The following ADGRF1 variants were observed in gnomAD, a reference collection of about 807,000 sequenced individuals.
ADGRF1 encodes the protein adhesion G protein-coupled receptor F1, also known as G protein-coupled receptor 110.
A neutral mutation model predicts 87.2 loss-of-function variants in ADGRF1; 85 were observed. The ratio of observed to expected loss-of-function variants is 0.97; its 90% CI spans 0.82 to 1.17. The LOEUF (loss-of-function observed/expected upper bound fraction) is 1.17, where lower values mean the gene tolerates loss of function less well. Ranked by LOEUF, ADGRF1 falls within the 50% of genes most tolerant of loss-of-function variation. The pLI, the probability that ADGRF1 is intolerant of heterozygous loss-of-function variation, is 0.00. For missense variants in ADGRF1, 1,169 were observed against 1,077.2 expected (o/e 1.09, Z -1.19); for synonymous variants, 430 against 408.8 (o/e 1.05, Z -0.63).
At chr6:47,014,900 A>G (rs960215305) in intron 8 of ADGRF1, 56 bp from the exon 9 acceptor site, 6 of 1,512,478 alleles carry the variant, frequency 4.0e-6, no homozygotes, top group African/African-American at 2.8e-5. Flanking sequence ...CTGGCACTCT[A>G]TATAAACCAT....
chr6:47,038,459 TTTAA>T (rs978540682), intron 1 of ADGRF1, among the ~76,000 whole-genome samples: 2 of 152,206 alleles, frequency 1.3e-5, no homozygotes, highest in African/African-American at 4.8e-5. Flanking sequence ...AAATTTTATT[TTTAA>T]TTGACAAATA....
At chr6:47,018,480 C>A (rs918866602) in intron 7 of ADGRF1, 2 of 1,289,446 alleles carry the variant, frequency 1.6e-6, no homozygotes, top group African/African-American at 3.0e-5. Context: ...GTCACAATAC[C>A]TTTGTATTGA....
Position 47,009,758 on chromosome 6 carries a change from C to T in ADGRF1, c.1677G>A (p.Val559=), listed in dbSNP as rs1410563225. Residue 559 remains valine (V), a synonymous_variant, in exon 11 of 15, where the codon GTG becomes GTA. Transcript: ENST00000371253. ...CHLVNETQDI[V]TCQCTHLTSF... is the part of the protein sequence containing the mutation. ...AGGTCAAGTGAGTACATTGGCACGT[C>T]ACGATGTCTTGAGTTTCATTCACTA... 2 of 1,614,158 alleles carry T rather than the reference C, an allele frequency of 1.2e-6. No homozygotes were observed. The highest frequency in any genetic ancestry group is 4.5e-5 in the East Asian group (2 of 44,876).
At position 47,014,684 on chromosome 6, in the gene ADGRF1, GTT is replaced by G; in HGVS notation, c.922_923del (p.Asn308GlnfsTer12). Reference sequence around the variant, plus strand: ...CTACACAGTGAAAATGCCTCACCTTGTTCAGTTCTTCAAGCAGAGAGAGCACA... The same window carrying G: ...CTACACAGTGAAAATGCCTCACCTTGCAGTTCTTCAAGCAGAGAGAGCACA... The part of the protein sequence containing the change: ...TCVLSLLEEL[N>X]KNFSMIVGNA... On this transcript the variant is annotated frameshift_variant, in exon 9 of 15. Transcript: ENST00000371253. LOFTEE classifies it high-confidence loss of function. 1 of 1,613,112 alleles carries G rather than the reference GTT, an allele frequency of 6.2e-7. No homozygotes were observed. The highest frequency in any genetic ancestry group is 8.5e-7 in the Non-Finnish European group (1 of 1,179,718).
intron 7 of ADGRF1, chr6:47,020,256 G>T: frequency 7.9e-7 from 1 of 1,264,164 alleles, no homozygotes; most frequent in Non-Finnish European, 1.0e-6. Flanking sequence ...CACTTTGGGG[G>T]CCGAGGCAGG....
At chr6:47,023,259 G>A (rs149482647) in intron 5 of ADGRF1, among the ~76,000 whole-genome samples, 1 of 152,306 alleles carries the variant, frequency 6.6e-6, no homozygotes, top group African/African-American at 2.4e-5. Flanking sequence ...ATTTGCCCCT[G>A]ATCTGGGTGA....
At chr6:47,031,333 C>T (rs1237468137) in intron 1 of ADGRF1, among the ~76,000 whole-genome samples, 13 of 131,528 alleles carry the variant, frequency 9.9e-5, no homozygotes, top group African/African-American at 3.3e-4. Flanking sequence ...TCTCTCTCTT[C>T]TCTCTCTCTC....
rs533646624 is a variant in ADGRF1, at chr6:47,009,865, T to A, written c.1570A>T (p.Lys524Ter). 1 of 1,613,996 alleles carries A rather than the reference T, an allele frequency of 6.2e-7. No individual in the cohort carries two copies. Among genetic ancestry groups the A allele is most frequent in the African/African-American group, 1.3e-5 (1 of 75,068 alleles). ...GGCTGGCTCAGGTTTGACTCTATCT[T>A]GGAAAAAAATAGGAAAACTTCATTT... Reference protein sequence around the residue: ...SINEVFLFFSKIESNLSQPHC... With the variant: ...SINEVFLFFS Residue 524 changes from lysine (K) to a stop codon, truncating the protein, a stop_gained, in exon 11 of 15, where the codon AAG becomes TAG. Transcript: ENST00000371253. LOFTEE classifies it high-confidence loss of function.
intron 1 of ADGRF1, among the ~76,000 whole-genome samples, chr6:47,029,444 T>C (rs745433786): frequency 3.9e-5 from 6 of 152,180 alleles, no homozygotes; most frequent in Non-Finnish European, 7.3e-5. Flanking sequence ...GGTTTCCTTT[T>C]CATTTCAGGA....
chr6:47,001,589 C>T lies in ADGRF1; in HGVS notation c.2593-22G>A, dbSNP rs749801025. The T allele has an allele frequency of 1.7e-5, 27 of 1,593,168 alleles. No individual in the cohort carries two copies. In the South Asian group the frequency reaches 2.2e-4, roughly 13 times the overall value. On this transcript the variant is annotated intron_variant, in intron 13 of 14. Transcript: ENST00000371253. ...TTTGCTGCACAAAATAAAAATAAGT[C>T]ATTTGGACATTAATAGCATTCTTTT...
Position 46,998,311 on chromosome 6 carries a change from T to C in ADGRF1, c.*1911A>G, listed in dbSNP as rs541654067. 5 of 151,420 alleles carry C rather than the reference T, an allele frequency of 3.3e-5. No homozygotes were observed. Among genetic ancestry groups the C allele is most frequent in the African/African-American group, 1.2e-4 (5 of 41,178 alleles). The allele number at this position is 151,420 out of a possible 1,614,324, so 9.4% of individuals were successfully genotyped here. A position where few individuals can be genotyped will look rare whatever the true frequency, so the allele number is the denominator to read the frequency against. On this transcript the variant is annotated 3_prime_UTR_variant, in exon 15 of 15. Coordinates refer to ENST00000371253, the MANE Select transcript of ADGRF1 (RefSeq NM_153840.4). ...TCATCTTTAGCTTGTGTAGATTTTT[T>C]TGTATTCCAGGTGGTCATTTGTGAC...
intron 9 of ADGRF1, chr6:47,013,600 C>G (rs1259987744): frequency 3.0e-5 from 30 of 985,348 alleles, no homozygotes; most frequent in Non-Finnish European, 3.5e-5. Flanking sequence ...TTCCTTCTTT[C>G]TGTCTTACTT....
chr6:47,030,578 G>A (rs1192187567), intron 1 of ADGRF1, among the ~76,000 whole-genome samples: 1 of 119,310 alleles, frequency 8.4e-6, no homozygotes, highest in African/African-American at 3.9e-5. Context: ...ACATGAATAT[G>A]TGTGTGTGTG....
intron 1 of ADGRF1, among the ~76,000 whole-genome samples, chr6:47,030,145 C>T (rs760904926): frequency 1.3e-5 from 2 of 152,158 alleles, no homozygotes; most frequent in Non-Finnish European, 2.9e-5. Context: ...CAGTGCCACC[C>T]CACACTGCCC....
intron 8 of ADGRF1, 121 bp downstream of exon 8, chr6:47,016,496 G>C (rs1460120670): frequency 8.9e-7 from 1 of 1,117,722 alleles, no homozygotes; most frequent in Non-Finnish European, 1.2e-6. Context: ...TGTTTGTGCT[G>C]AAAGGCAGTT....
Position 47,024,153 on chromosome 6 carries a change from G to A in ADGRF1, c.342C>T (p.Pro114=), listed in dbSNP as rs1179758318. Residue 114 remains proline (P), a synonymous_variant, in exon 5 of 15, where the codon CCC becomes CCT. Transcript: ENST00000371253. ...AGCAGTTCTGGGGATCAAGGCATGAGGGAGGAAACCAGGTGTAGCTGTCTT... is the reference window on the plus strand; with the variant it reads ...AGCAGTTCTGGGGATCAAGGCATGAAGGAGGAAACCAGGTGTAGCTGTCTT... ...TCEDSYTWFP[P]SCLDPQNCYL... The A allele has an allele frequency of 6.2e-7, 1 of 1,614,022 alleles. No homozygotes were observed. The highest frequency in any genetic ancestry group is 8.5e-7 in the Non-Finnish European group (1 of 1,179,890).
intron 1 of ADGRF1, among the ~76,000 whole-genome samples, chr6:47,034,414 G>T (rs1780528802): frequency 1.3e-5 from 2 of 152,146 alleles, no homozygotes; most frequent in South Asian, 4.1e-4. Flanking sequence ...AACCTACTAA[G>T]AATTTAATTA....
chr6:47,035,988 T>C (rs1197817575), intron 1 of ADGRF1, among the ~76,000 whole-genome samples: 1 of 152,106 alleles, frequency 6.6e-6, no homozygotes, highest in African/African-American at 2.4e-5. Context: ...CCCAGCAATT[T>C]GGGAAGCGGA....
chr6:47,014,261 A>T (rs1218971320), intron 9 of ADGRF1: 1 of 986,652 alleles, frequency 1.0e-6, no homozygotes, highest in African/African-American at 1.8e-5. Context: ...TGTCTGACCC[A>T]CTCCTTGCCC....
Sources: allele counts gnomAD v4.1 joint callset (sites outside exome capture counted in the v4.1 genomes callset), GRCh38; gene constraint gnomAD v4.1.1; transcripts MANE v1.5; gene names NCBI Gene and HGNC (gene_info 2026-07-23, HGNC 2026-07-21).